Variants in TCERG1L observed in about 807,000 individuals in gnomAD.
TCERG1L encodes transcription elongation regulator 1-like protein.
TCERG1L carries 37 observed loss-of-function variants against 56.3 expected under a neutral mutation model. The observed-to-expected ratio is 0.66, with a 90% CI of 0.51 to 0.87. TCERG1L has a LOEUF of 0.87. Among genes scored for constraint, TCERG1L ranks in the 40% least tolerant of loss-of-function variants. TCERG1L has a pLI of 0.00. For missense variants in TCERG1L, 799 were observed against 774.2 expected (o/e 1.03, Z -0.38); for synonymous variants, 324 against 326.3 (o/e 0.99, Z 0.08).
intron 8 of TCERG1L, among the ~76,000 whole-genome samples, chr10:131,117,223 C>A (rs1845468869): frequency 6.6e-6 from 1 of 152,164 alleles, no homozygotes; most frequent in Non-Finnish European, 1.5e-5. Context: ...TGGCTGCCAA[C>A]CGGCATGTCT....
intron 4 of TCERG1L, among the ~76,000 whole-genome samples, chr10:131,248,170 CACCCACAT>C (rs1846060831): frequency 6.6e-6 from 1 of 151,410 alleles, no homozygotes; most frequent in African/African-American, 2.4e-5. Flanking sequence ...CACACCCACA[CACCCACAT>C]GACACACACA....
At chr10:131,153,531 C>T (rs906050693) in intron 6 of TCERG1L, among the ~76,000 whole-genome samples, 1 of 152,182 alleles carries the variant, frequency 6.6e-6, no homozygotes, top group Non-Finnish European at 1.5e-5. Context: ...GAGGGATTTT[C>T]CCAGCTGGCC....
intron 4 of TCERG1L, among the ~76,000 whole-genome samples, chr10:131,227,383 A>T (rs1845802409): frequency 6.6e-6 from 1 of 152,210 alleles, no homozygotes; most frequent in Non-Finnish European, 1.5e-5. Context: ...GCAGAGCTGG[A>T]CCAAGTCATT....
In TCERG1L at chr10:131,244,423, G is replaced by A. The variant is rs1055030202; in HGVS notation, c.856+15836C>T. 9.9e-5 allele frequency among the ~76,000 whole-genome samples: 15 copies of A among 152,284 alleles called. No homozygotes were observed. In the South Asian group the frequency reaches 1.9e-3, roughly 19 times the overall value. Reference sequence around the variant, plus strand: ...GAACAGGCAGCCCTGGGAGAGTGGAGCATGCAGAGTGGGGGTGCTTTGGGA... The same window carrying A: ...GAACAGGCAGCCCTGGGAGAGTGGAACATGCAGAGTGGGGGTGCTTTGGGA... On this transcript the variant is annotated intron_variant, in intron 4 of 11. Transcript: ENST00000368642.
intron 7 of TCERG1L, among the ~76,000 whole-genome samples, chr10:131,143,019 C>T (rs922149357): frequency 6.6e-6 from 1 of 152,092 alleles, no homozygotes; most frequent in Non-Finnish European, 1.5e-5. Context: ...GACGAGGGGG[C>T]CAGGAGTCAA....
At position 131,174,707 on chromosome 10, in the gene TCERG1L, C is replaced by G. The variant is rs552262942; in HGVS notation, c.857-7822G>C. Among the ~76,000 whole-genome samples, 4 of 151,540 alleles carry G rather than the reference C, an allele frequency of 2.6e-5. 1 individual carries two copies. In the South Asian group the frequency reaches 8.3e-4, roughly 31 times the overall value. On this transcript the variant is annotated intron_variant, in intron 4 of 11. Transcript: ENST00000368642. ...AAGCTGCAGAGAATTAATTTTCCAC[C>G]CATTTTTAACATCCTGAATTGCCCC...
intron 3 of TCERG1L, among the ~76,000 whole-genome samples, chr10:131,302,330 GTTTT>G (rs57225154): frequency 9.5e-5 from 14 of 147,802 alleles, no homozygotes; most frequent in Admixed American, 1.3e-4. Context: ...GCTGAAATTT[GTTTT>G]TTTGTTTTTT....
chr10:131,214,052 AC>A (rs1263600704), intron 4 of TCERG1L, among the ~76,000 whole-genome samples: 1 of 15,462 alleles, frequency 6.5e-5, no homozygotes, highest in Admixed American at 7.6e-4. Flanking sequence ...ACACACACGC[AC>A]ACACACACGC....
chr10:131,104,437 C>T (rs1425185595), intron 9 of TCERG1L, 83 bp from the exon 10 acceptor site: 1 of 886,210 alleles, frequency 1.1e-6, no homozygotes, highest in African/African-American at 1.7e-5. Flanking sequence ...CAGTTAAAAA[C>T]AAATGAACAA....
intron 4 of TCERG1L, among the ~76,000 whole-genome samples, chr10:131,245,125 G>A (rs1479747995): frequency 6.6e-6 from 1 of 152,228 alleles, no homozygotes; most frequent in Non-Finnish European, 1.5e-5. Context: ...GCTGATGGGA[G>A]CCTGGTGGGA....
chr10:131,268,542 C>G (rs75790622), intron 3 of TCERG1L, among the ~76,000 whole-genome samples: 3,071 of 152,332 alleles, frequency 0.02, 74 homozygotes, highest in East Asian at 0.077. Context: ...GACTTCTCCT[C>G]TATAGCTATA....
At chr10:131,272,977 C>T (rs1846354801) in intron 3 of TCERG1L, among the ~76,000 whole-genome samples, 1 of 152,196 alleles carries the variant, frequency 6.6e-6, no homozygotes, top group Non-Finnish European at 1.5e-5. Context: ...GATCTGGCGC[C>T]TTTGCTGATG....
chr10:131,273,345 C>T (rs951046546), intron 3 of TCERG1L, among the ~76,000 whole-genome samples: 2 of 152,286 alleles, frequency 1.3e-5, no homozygotes, highest in African/African-American at 2.4e-5. Flanking sequence ...TGGCCTCCTC[C>T]GTGGGTCTGG....
chr10:131,278,330 T>C (rs1846414664), intron 3 of TCERG1L, among the ~76,000 whole-genome samples: 1 of 150,578 alleles, frequency 6.6e-6, no homozygotes, highest in Admixed American at 6.6e-5. Flanking sequence ...CATCGTCTTT[T>C]CTTTTTTCTT....
chr10:131,210,060 G>C (rs1239826067), intron 4 of TCERG1L, among the ~76,000 whole-genome samples: 1 of 152,172 alleles, frequency 6.6e-6, no homozygotes, highest in Non-Finnish European at 1.5e-5. Flanking sequence ...TTGCAATACA[G>C]AAGGAACAGA....
chr10:131,168,288 T>TA (rs1486487741), intron 4 of TCERG1L, among the ~76,000 whole-genome samples: 2 of 152,188 alleles, frequency 1.3e-5, no homozygotes, highest in African/African-American at 4.8e-5. Flanking sequence ...CCCCACCTTC[T>TA]AGCCTTTCTT....
At chr10:131,167,520 G>A (rs1359075699) in intron 4 of TCERG1L, among the ~76,000 whole-genome samples, 2 of 152,244 alleles carry the variant, frequency 1.3e-5, no homozygotes, top group African/African-American at 4.8e-5. Flanking sequence ...ACTGGGCCAC[G>A]TGGGTCACAG....
intron 4 of TCERG1L, among the ~76,000 whole-genome samples, chr10:131,231,610 C>T (rs755323055): frequency 3.3e-5 from 5 of 152,248 alleles, no homozygotes; most frequent in East Asian, 1.9e-4. Flanking sequence ...GCCAGCACAT[C>T]GTGAGGTCTG....
At chr10:131,300,155 G>GT (rs1360932898) in intron 3 of TCERG1L, among the ~76,000 whole-genome samples, 1 of 152,080 alleles carries the variant, frequency 6.6e-6, no homozygotes, top group Non-Finnish European at 1.5e-5. Context: ...TTTCTGTTTG[G>GT]TATAAAGTTC....
Sources: gnomAD v4.1 joint callset for allele counts (sites outside exome capture counted in the v4.1 genomes callset) on GRCh38, gnomAD v4.1.1 for gene constraint, MANE v1.5 for transcripts, NCBI Gene and HGNC (gene_info 2026-07-23, HGNC 2026-07-21) for gene names.